The following CLN8 variants were observed in gnomAD, a reference collection of about 807,000 sequenced individuals.
CLN8 encodes CLN8 transmembrane ER and ERGIC protein, also known as protein CLN8.
Under a neutral mutation model 15.7 loss-of-function variants are expected in CLN8, and 14 were observed. The observed-to-expected ratio is 0.89, with a 90% CI of 0.59 to 1.39. The LOEUF is 1.39. Among genes scored for constraint, CLN8 ranks in the 40% most tolerant of loss-of-function variants. The probability of loss-of-function intolerance (pLI) is 0.00; values close to 1 mark genes in which losing one functional copy is unlikely to be tolerated. For missense variants in CLN8, 415 were observed against 364.0 expected, an observed-to-expected ratio of 1.14 and a Z score of -1.14; for synonymous variants, 188 against 151.0, an observed-to-expected ratio of 1.25 and a Z score of -1.80.
chr8:1,760,681 G>C (rs1378232025), upstream of CLN8, among the ~76,000 whole-genome samples: 1 of 152,114 alleles, frequency 6.6e-6, no homozygotes, highest in Non-Finnish European at 1.5e-5. Context: ...CATGCTGTTA[G>C]TAGGAATCTA....
intron 2 of CLN8, among the ~76,000 whole-genome samples, chr8:1,776,315 G>T (rs1252490786): frequency 6.6e-6 from 1 of 152,212 alleles, no homozygotes; most frequent in Non-Finnish European, 1.5e-5. Flanking sequence ...ATGACAGAAG[G>T]TTCTGGAAGG....
chr8:1,768,178 A>G (rs530048225), intron 1 of CLN8, among the ~76,000 whole-genome samples: 1 of 151,364 alleles, frequency 6.6e-6, no homozygotes, highest in Admixed American at 6.6e-5. Flanking sequence ...TCCTGACCTC[A>G]AGTGATTCAC....
intron 2 of CLN8, among the ~76,000 whole-genome samples, chr8:1,779,499 C>T (rs982424978): frequency 2.0e-5 from 3 of 152,240 alleles, no homozygotes; most frequent in African/African-American, 7.2e-5. Context: ...CCCACTTCGG[C>T]CTCCCAAAGT....
At chr8:1,769,479 G>T (rs1319220019) in intron 1 of CLN8, among the ~76,000 whole-genome samples, 5 of 152,168 alleles carry the variant, frequency 3.3e-5, no homozygotes, top group Non-Finnish European at 2.9e-5. Context: ...GGTGTTCCCA[G>T]CCCTGCTGTC....
chr8:1,758,590 G>C (rs1284963632), intron 1 of CLN8: 1 of 152,178 alleles, frequency 6.6e-6, no homozygotes, highest in African/African-American at 2.4e-5. Context: ...ATTCGGCTTT[G>C]TCATTTAGCA....
upstream of CLN8, among the ~76,000 whole-genome samples, chr8:1,761,710 C>A (rs116106279): frequency 6.6e-6 from 1 of 152,170 alleles, no homozygotes; most frequent in Non-Finnish European, 1.5e-5. Context: ...GAGATGAAAT[C>A]GTATGGATCA....
intron 2 of CLN8, 74 bp downstream of exon 2, chr8:1,771,671 G>T: frequency 7.2e-7 from 1 of 1,392,082 alleles, no homozygotes. Flanking sequence ...CCTGGACGCT[G>T]CCATAAACTC....
chr8:1,761,147 G>A (rs1238938864), upstream of CLN8, among the ~76,000 whole-genome samples: 2 of 150,654 alleles, frequency 1.3e-5, no homozygotes, highest in Admixed American at 6.7e-5. Flanking sequence ...AGCCTCCCAC[G>A]TAGCTGGGAT....
At chr8:1,757,301 C>T (rs371286558) in intron 1 of CLN8, among the ~76,000 whole-genome samples, 26 of 152,320 alleles carry the variant, frequency 1.7e-4, no homozygotes, top group East Asian at 1.5e-3. Context: ...CAACCAAGGT[C>T]ATGACAACCC....
rs1585155194 is a variant in CLN8 at position 1,783,849 on chromosome 8, A to G, written c.*3282A>G. On this transcript the variant is annotated 3_prime_UTR_variant, in exon 3 of 3. Transcript: ENST00000331222. ...GTGATGACGTGCCCAAGGTGACGCA[A>G]CTCGTGAACAGCCGTGCCTGCCTTG... The G allele has an allele frequency of 6.6e-6, 1 of 152,060 alleles. No individual in the cohort carries two copies. The highest frequency in any genetic ancestry group is 6.5e-5 in the Admixed American group (1 of 15,276). The allele number at this position is 152,060 out of a possible 1,614,324, so 9.4% of individuals were successfully genotyped here.
chr8:1,771,565 C>A lies in CLN8; in HGVS notation c.511C>A (p.Pro171Thr). ...CACGTTGCTCCTGGAGATGAGCACG[C>A]CCTTTACCTGCGTTTCCTGGATGCT... ...MTTLLLEMSTPFTCVSWMLLK... is the reference protein window; with the variant it reads ...MTTLLLEMSTTFTCVSWMLLK... Residue 171 changes from proline to threonine, a missense_variant, in exon 2 of 3, where the codon CCC becomes ACC. By Grantham distance (38) the Pro-to-Thr change is conservative. Coordinates refer to ENST00000331222, the MANE Select transcript of CLN8 (RefSeq NM_018941.4). 2 of 1,614,088 alleles carry A rather than the reference C, an allele frequency of 1.2e-6. No homozygotes were observed. The highest frequency in any genetic ancestry group is 1.3e-5 in the African/African-American group (1 of 75,026).
intron 2 of CLN8, chr8:1,779,928 A>G (rs1349741644): frequency 1.0e-6 from 1 of 984,450 alleles, no homozygotes; most frequent in Non-Finnish European, 1.2e-6. Context: ...AAAATTCAAG[A>G]TAAAACAAAG....
chr8:1,779,941 T>G (rs1801656633), intron 2 of CLN8: 29 of 985,168 alleles, frequency 2.9e-5, no homozygotes, highest in Non-Finnish European at 3.5e-5. Context: ...AAACAAAGAT[T>G]GAAGGGATAC....
upstream of CLN8, among the ~76,000 whole-genome samples, chr8:1,761,387 C>T (rs1417800467): frequency 6.6e-6 from 1 of 151,668 alleles, no homozygotes; most frequent in East Asian, 1.9e-4. Context: ...TGCAGTGGTG[C>T]GATTTCAGCA....
chr8:1,754,308 G>A (rs1222872027), upstream of CLN8, among the ~76,000 whole-genome samples: 1 of 152,126 alleles, frequency 6.6e-6, no homozygotes, highest in Non-Finnish European at 1.5e-5. Flanking sequence ...ACCAACAACT[G>A]TCTTGGTAAA....
intron 2 of CLN8, chr8:1,779,988 C>A: frequency 1.0e-6 from 1 of 985,452 alleles, no homozygotes; most frequent in Non-Finnish European, 1.2e-6. Context: ...CTTTAGGGAG[C>A]AGAAGCCAAA....
intron 2 of CLN8, among the ~76,000 whole-genome samples, chr8:1,778,112 A>C (rs1345375729): frequency 1.3e-5 from 2 of 152,158 alleles, no homozygotes; most frequent in Non-Finnish European, 2.9e-5. Flanking sequence ...AAAGTCCAGC[A>C]TTGTCCTTCA....
intron 1 of CLN8, among the ~76,000 whole-genome samples, chr8:1,767,670 C>G (rs910236478): frequency 2.9e-5 from 4 of 137,478 alleles, no homozygotes; most frequent in African/African-American, 1.1e-4. Flanking sequence ...CTCCCGGGTT[C>G]AAGCGATTCT....
At chr8:1,761,531 G>A (rs1442003698), upstream of CLN8, among the ~76,000 whole-genome samples, 4 of 152,196 alleles carry the variant, frequency 2.6e-5, no homozygotes, top group Non-Finnish European at 4.4e-5. Flanking sequence ...TGCCATGTTG[G>A]CCAGGCTGGT....
Sources: allele counts gnomAD v4.1 joint callset (sites outside exome capture counted in the v4.1 genomes callset), GRCh38; gene constraint gnomAD v4.1.1; transcripts MANE v1.5; gene names NCBI Gene and HGNC (gene_info 2026-07-23, HGNC 2026-07-21).